ANGEL1: variants seen among roughly 807,000 people sequenced by gnomAD.
ANGEL1 encodes angel homolog 1.
ANGEL1 carries 62 observed loss-of-function variants against 76.4 expected under a neutral mutation model. The observed-to-expected ratio is 0.81, with a 90% CI of 0.66 to 1.00. The LOEUF (loss-of-function observed/expected upper bound fraction) is 1.00, where lower values mean the gene tolerates loss of function less well. Ranked by LOEUF, ANGEL1 falls within the 50% of genes least tolerant of loss-of-function variation. The pLI, the probability that ANGEL1 is intolerant of heterozygous loss-of-function variation, is 0.00. For missense variants in ANGEL1, 737 were observed against 836.7 expected (o/e 0.88, Z 1.47); for synonymous variants, 340 against 331.7 (o/e 1.03, Z -0.27).
At chr14:76,808,224 A>G (rs1566701684) in intron 2 of ANGEL1, 76 bp from the exon 3 acceptor site, 6 of 1,273,090 alleles carry the variant, frequency 4.7e-6, no homozygotes, top group Non-Finnish European at 6.6e-6. Flanking sequence ...CTCCTGACTC[A>G]GTAATATTAT....
intron 5 of ANGEL1, chr14:76,804,248 C>T (rs1894850625): frequency 1.5e-6 from 2 of 1,365,560 alleles, no homozygotes; most frequent in Admixed American, 6.8e-5. Flanking sequence ...CTCTCAGGGG[C>T]TTTAAGTTGC....
chr14:76,807,359 G>T, intron 4 of ANGEL1, 74 bp downstream of exon 4: 3 of 1,432,444 alleles, frequency 2.1e-6, no homozygotes, highest in Non-Finnish European at 2.9e-6. Context: ...AAAAGGAAAG[G>T]ATGGGGTCTT....
At position 76,793,757 on chromosome 14, in the gene ANGEL1, C is replaced by T. The variant is rs1894491775; in HGVS notation, c.1619-2391G>A. The stretch of plus-strand genomic sequence containing the variant: ...CGAGTCCCCCAGCGGATGCCTGAAA[C>T]AATGGATACTACCAAATCCTAAATA... On this transcript the variant is annotated intron_variant, in intron 7 of 9. Coordinates refer to ENST00000251089, the MANE Select transcript of ANGEL1 (RefSeq NM_015305.4). Among the ~76,000 whole-genome samples the T allele has an allele frequency of 2.0e-5, 3 of 151,996 alleles. No individual in the cohort carries two copies. The South Asian group carries it at 6.2e-4, about 32-fold the overall frequency.
rs147658983 is a variant in ANGEL1, at chr14:76,786,592, C to A, written c.*2636G>T. On this transcript the variant is annotated 3_prime_UTR_variant, in exon 10 of 10. Coordinates refer to ENST00000251089, the MANE Select transcript of ANGEL1 (RefSeq NM_015305.4). ...AGAGGCCTGGTGTGGGTTCTGGGAA[C>A]CTGTTCAGGTAAGACAGAAAACCAG... The A allele has an allele frequency of 0.01, 1,586 of 152,274 alleles. 9 individuals carry two copies. Among genetic ancestry groups the A allele is most frequent in the South Asian group, 0.018 (88 of 4,818 alleles). The allele number at this position is 152,274 out of a possible 1,614,324, so 9.4% of individuals were successfully genotyped here.
chr14:76,802,175 A>T (rs1019892945), intron 7 of ANGEL1, among the ~76,000 whole-genome samples: 43 of 152,176 alleles, frequency 2.8e-4, no homozygotes, highest in Non-Finnish European at 4.6e-4. Flanking sequence ...TATCTCAAAA[A>T]AAAATAAAAT....
At chr14:76,812,571 G>A in intron 1 of ANGEL1, 193 bp downstream of exon 1, 1 of 1,248,764 alleles carries the variant, frequency 8.0e-7, no homozygotes, top group South Asian at 3.1e-5. Context: ...GAGGGACGTC[G>A]GCCAGGTCCA....
At chr14:76,794,663 T>TC (rs1894522813) in intron 7 of ANGEL1, among the ~76,000 whole-genome samples, 1 of 142,866 alleles carries the variant, frequency 7.0e-6, no homozygotes, top group Non-Finnish European at 1.5e-5. Context: ...GGAGCGAGAC[T>TC]CCATCTCAAA....
intron 7 of ANGEL1, among the ~76,000 whole-genome samples, chr14:76,799,132 C>T (rs1292244945): frequency 6.6e-6 from 1 of 152,012 alleles, no homozygotes; most frequent in Non-Finnish European, 1.5e-5. Context: ...AAGCTAGTGT[C>T]ACAGTTAAGT....
intron 7 of ANGEL1, among the ~76,000 whole-genome samples, chr14:76,802,046 C>T (rs1461201858): frequency 1.3e-5 from 2 of 152,054 alleles, no homozygotes; most frequent in Admixed American, 1.3e-4. Flanking sequence ...GCAGCATGTG[C>T]CTGCAGTCCC....
In ANGEL1 at chr14:76,790,659, C is replaced by T. The variant is rs757107864; in HGVS notation, c.1804G>A (p.Asp602Asn). 32 of 1,614,148 alleles carry T rather than the reference C, an allele frequency of 2.0e-5. No homozygotes were observed. Among genetic ancestry groups the T allele is most frequent in the Non-Finnish European group, 2.7e-5 (32 of 1,180,018 alleles). ...GACTCAGCTGAGAAGAAGATGTAAT[C>T]TACTGTCATTCCAAGACCCAATGGC... The part of the protein sequence containing the change: ...TMPLGLGMTV[D>N]YIFFSAESCE... Residue 602 changes from aspartate to asparagine, a missense_variant, in exon 9 of 10, where the codon GAT becomes AAT. This residue lies in a region of ANGEL1 where 296 missense variants were observed against 387.2 expected (regional missense o/e 0.76). Transcript: ENST00000251089.
chr14:76,798,874 G>A (rs539338640), intron 7 of ANGEL1, among the ~76,000 whole-genome samples: 2 of 151,656 alleles, frequency 1.3e-5, no homozygotes, highest in Non-Finnish European at 2.9e-5. Flanking sequence ...CCTGAACCCG[G>A]GGGCAAAGGC....
At chr14:76,810,298 A>G in intron 1 of ANGEL1, 1 of 444,790 alleles carries the variant, frequency 2.2e-6, no homozygotes, top group Non-Finnish European at 4.5e-6. Flanking sequence ...GCACATGCCC[A>G]TGGTCCTAGC....
At chr14:76,808,208 TC>T in intron 2 of ANGEL1, 60 bp from the exon 3 acceptor site, 2 of 1,413,086 alleles carry the variant, frequency 1.4e-6, no homozygotes, top group Non-Finnish European at 2.0e-6. Flanking sequence ...GGTGCTGCCA[TC>T]TCCACTCCTG....
At position 76,787,800 on chromosome 14, in the gene ANGEL1, T is replaced by G. The variant is rs74869273; in HGVS notation, c.*1428A>C. The G allele has an allele frequency of 7.0e-3, 1,073 of 152,700 alleles. 5 individuals are homozygous for G. Among genetic ancestry groups the G allele is most frequent in the Non-Finnish European group, 8.8e-3 (598 of 68,062 alleles). The allele number at this position is 152,700 out of a possible 1,614,324, so 9.5% of individuals were successfully genotyped here. Reference sequence around the variant, plus strand: ...AATCTACCAGGGCCAGCAGCCACTCTGACTTAGGGAGATGTGTGGAGGGGC... The same window carrying G: ...AATCTACCAGGGCCAGCAGCCACTCGGACTTAGGGAGATGTGTGGAGGGGC... On this transcript the variant is annotated 3_prime_UTR_variant, in exon 10 of 10. Coordinates refer to ENST00000251089, the MANE Select transcript of ANGEL1 (RefSeq NM_015305.4).
chr14:76,793,403 GGGA>G (rs1566695797), intron 7 of ANGEL1, among the ~76,000 whole-genome samples: 4 of 51,670 alleles, frequency 7.7e-5, no homozygotes, highest in Non-Finnish European at 9.2e-5. Context: ...GAGGGGAGAG[GGGA>G]TAAAAGGAAA....
Position 76,809,478 on chromosome 14 carries a change from C to T in ANGEL1, c.230G>A (p.Ser77Asn). The T allele has an allele frequency of 1.9e-6, 3 of 1,614,236 alleles. No homozygotes were observed. Among genetic ancestry groups the T allele is most frequent in the Non-Finnish European group, 2.5e-6 (3 of 1,180,048 alleles). Residue 77 changes from serine to asparagine, a missense_variant, in exon 2 of 10, where the codon AGT becomes AAT. Around this residue, in one of 2 missense-constraint regions of ANGEL1, gnomAD observed 441 missense variants for 449.5 expected, o/e 0.98. Coordinates refer to ENST00000251089, the MANE Select transcript of ANGEL1 (RefSeq NM_015305.4). Reference sequence around the variant, plus strand: ...TCCTTTATCTATAAGGGGCCCCTCACTTGCAGTTGAGAGCACCTGGCTCAA... The same window carrying T: ...TCCTTTATCTATAAGGGGCCCCTCATTTGCAGTTGAGAGCACCTGGCTCAA... ...EGLSQVLSTA[S>N]EGPLIDKGLA...
chr14:76,807,985 G>A lies in ANGEL1; in HGVS notation c.813C>T (p.Asp271=). 1 of 1,614,200 alleles carries A rather than the reference G, an allele frequency of 6.2e-7. No individual in the cohort carries two copies. Among genetic ancestry groups the A allele is most frequent in the Non-Finnish European group, 8.5e-7 (1 of 1,180,032 alleles). ...CGAAGCGATAGTTCCAATTGAGGAT[G>A]TCTGGATGGCAATGTAGATAGAGCT... is the stretch of plus-strand genomic sequence containing the variant. ...SSELYLHCHP[D]ILNWNYRFVN... Residue 271 remains aspartate (D), a synonymous_variant, in exon 3 of 10, where the codon GAC becomes GAT. Transcript: ENST00000251089.
At chr14:76,809,668 G>T (rs770841346) in intron 1 of ANGEL1, 25 bp from the exon 2 acceptor site, 1 of 1,584,200 alleles carries the variant, frequency 6.3e-7, no homozygotes. Context: ...AAAATACCAG[G>T]TTATAAGACT....
intron 1 of ANGEL1, among the ~76,000 whole-genome samples, chr14:76,811,077 G>T (rs1040705158): frequency 6.6e-6 from 1 of 152,116 alleles, no homozygotes; most frequent in Non-Finnish European, 1.5e-5. Context: ...TTTTGCCCTC[G>T]GAAGACATTT....
Sources: allele counts gnomAD v4.1 joint callset (sites outside exome capture counted in the v4.1 genomes callset), GRCh38; gene constraint gnomAD v4.1.1; regional missense constraint gnomAD v4.1.1; transcripts MANE v1.5; gene names NCBI Gene and HGNC (gene_info 2026-07-23, HGNC 2026-07-21).